The following PPL variants were observed in gnomAD, a reference collection of about 807,000 sequenced individuals.
PPL encodes the protein periplakin, also known as 190 kDa paraneoplastic pemphigus antigen.
In PPL, 198 loss-of-function variants were observed where a neutral mutation model predicts 194.4. The observed-to-expected ratio is 1.02, with a 90% CI of 0.91 to 1.15. The LOEUF (loss-of-function observed/expected upper bound fraction) is 1.15, where lower values mean the gene tolerates loss of function less well. PPL is among the 50% of genes most tolerant of loss of function. The pLI is 0.00. For missense variants in PPL, 2,885 were observed against 2,294.8 expected, an observed-to-expected ratio of 1.26 and a Z score of -5.25; for synonymous variants, 1,220 against 972.4, an observed-to-expected ratio of 1.25 and a Z score of -4.74.
At chr16:4,905,215 G>A (rs1206808541) in intron 2 of PPL, among the ~76,000 whole-genome samples, 1 of 152,188 alleles carries the variant, frequency 6.6e-6, no homozygotes, top group Non-Finnish European at 1.5e-5. Context: ...ATGGGCATAA[G>A]GAAAATACCC....
At position 4,902,584 on chromosome 16, in the gene PPL, AG is replaced by A. The variant is rs2142368090; in HGVS notation, c.318-59del. 4 of 1,582,440 alleles carry A rather than the reference AG, an allele frequency of 2.5e-6. No homozygotes were observed. The highest frequency in any genetic ancestry group is 4.6e-5 in the East Asian group (2 of 43,894). Reference sequence around the variant, plus strand: ...TGGTTGGCACTGCCTGCACCCCAGGAGGGGCCCCCCACCCAGACCCCGGCCT... The same window carrying A: ...TGGTTGGCACTGCCTGCACCCCAGGAGGGCCCCCCACCCAGACCCCGGCCT... On this transcript the variant is annotated intron_variant, in intron 3 of 21. Coordinates refer to ENST00000345988, the MANE Select transcript of PPL (RefSeq NM_002705.5). The surrounding 1 kb of genome is among the most constrained non-coding windows in gnomAD (Gnocchi z 4.0).
At chr16:4,893,469 C>A in intron 13 of PPL, 72 bp downstream of exon 13, 1 of 1,593,914 alleles carries the variant, frequency 6.3e-7, no homozygotes, top group Non-Finnish European at 8.6e-7. Context: ...GTCTCATCCA[C>A]AGCACAGACC....
intron 1 of PPL, among the ~76,000 whole-genome samples, chr16:4,934,702 G>C (rs571490477): frequency 5.2e-4 from 79 of 152,222 alleles, no homozygotes; most frequent in African/African-American, 1.9e-3. Flanking sequence ...TCCACTCCCT[G>C]TGACCAGCGA....
In PPL at chr16:4,892,244, C is replaced by G. The variant is rs773711846; in HGVS notation, c.1651-31G>C. The G allele has an allele frequency of 6.9e-6, 11 of 1,592,020 alleles. No homozygotes were observed. The South Asian group carries it at 1.1e-4, about 16-fold the overall frequency. ...GGAACCAGGGCCCCTCAGTTTTGGA[C>G]ACAGCCAGGCAGCCCCTTCCCCTGA... On this transcript the variant is annotated intron_variant, in intron 14 of 21. Coordinates refer to ENST00000345988, the MANE Select transcript of PPL (RefSeq NM_002705.5).
chr16:4,883,740 G>T lies in PPL; in HGVS notation c.4915C>A (p.Arg1639Ser). The T allele has an allele frequency of 6.2e-7, 1 of 1,614,014 alleles. No individual in the cohort carries two copies. Among genetic ancestry groups the T allele is most frequent in the Non-Finnish European group, 8.5e-7 (1 of 1,180,010 alleles). Residue 1639 changes from arginine (R) to serine (S), a missense_variant, in exon 22 of 22, where the codon CGC becomes AGC. Coordinates refer to ENST00000345988, the MANE Select transcript of PPL (RefSeq NM_002705.5). This position sits in a 1 kb window ranked among gnomAD's most constrained non-coding sequence, Gnocchi z 4.8. ...CGCTTGACGGCCACGGAGCCCAGGCGCTTCTGCAGCTCGTCGATCTCGAGG... is the reference window on the plus strand; with the variant it reads ...CGCTTGACGGCCACGGAGCCCAGGCTCTTCTGCAGCTCGTCGATCTCGAGG... ...KDLEIDELQK[R>S]LGSVAVKREQ...
chr16:4,912,493 G>C lies in PPL; in HGVS notation c.63-1544C>G, dbSNP rs141047968. Among the ~76,000 whole-genome samples the C allele has an allele frequency of 3.5e-4, 53 of 152,368 alleles. No individual in the cohort carries two copies. In the Middle Eastern group the frequency reaches 0.01, roughly 29 times the overall value. On this transcript the variant is annotated intron_variant, in intron 1 of 21. Transcript: ENST00000345988. ...CGTTTCCACCTTTGGGCCATCGTGA[G>C]AATCACGCTGCTATGAACGTTCGGG...
intron 20 of PPL, 148 bp downstream of exon 20, chr16:4,887,954 C>A (rs2088244630): frequency 1.5e-6 from 1 of 646,498 alleles, no homozygotes; most frequent in South Asian, 1.8e-5. Flanking sequence ...TCATCTCTTA[C>A]CAAACCTGTT....
Position 4,899,002 on chromosome 16 carries a change from G to T in PPL, c.876+11C>A, listed in dbSNP as rs1193605596. On this transcript the variant is annotated intron_variant, in intron 8 of 21. Coordinates refer to ENST00000345988, the MANE Select transcript of PPL (RefSeq NM_002705.5). ...CCCTGGGGGAGGTGTCTGGTCTCGG[G>T]GTGCATGAACCTCAATGGAGTTCCT... The T allele has an allele frequency of 5.0e-6, 8 of 1,610,978 alleles. No individual in the cohort carries two copies. The Admixed American group carries it at 1.2e-4, about 24-fold the overall frequency.
In PPL at chr16:4,886,056, G is replaced by C. The variant is rs749286202; in HGVS notation, c.2608-9C>G. On this transcript the variant is annotated splice_polypyrimidine_tract_variant and intron_variant, in intron 21 of 21. Coordinates refer to ENST00000345988, the MANE Select transcript of PPL (RefSeq NM_002705.5). Reference sequence around the variant, plus strand: ...ACTTCTACTTCCGGCTGCTGTGATGGAGAAGACAAGACAAGGTTAAAGCCA... The same window carrying C: ...ACTTCTACTTCCGGCTGCTGTGATGCAGAAGACAAGACAAGGTTAAAGCCA... 19 of 1,613,740 alleles carry C rather than the reference G, an allele frequency of 1.2e-5. No homozygotes were observed. The South Asian group carries it at 1.9e-4, about 16-fold the overall frequency.
At chr16:4,917,784 C>T (rs896115784) in intron 1 of PPL, among the ~76,000 whole-genome samples, 2 of 151,944 alleles carry the variant, frequency 1.3e-5, no homozygotes, top group African/African-American at 4.8e-5. Flanking sequence ...CACCTGTAGT[C>T]CTGGATACTC....
At chr16:4,894,646 A>AT in intron 11 of PPL, 28 bp from the exon 12 acceptor site, 1 of 1,606,890 alleles carries the variant, frequency 6.2e-7, no homozygotes, top group Non-Finnish European at 8.5e-7. Context: ...GACAGTCAGG[A>AT]TCCCGGCAGG....
chr16:4,887,635 C>A (rs975903379), intron 20 of PPL, among the ~76,000 whole-genome samples: 2 of 152,194 alleles, frequency 1.3e-5, no homozygotes, highest in Non-Finnish European at 2.9e-5. Context: ...AAGACAGAAT[C>A]TCTTTCACTC....
chr16:4,884,512 C>T lies in PPL; in HGVS notation c.4143G>A (p.Gln1381=). 1 of 1,609,802 alleles carries T rather than the reference C, an allele frequency of 6.2e-7. No homozygotes were observed. ...FAESIDVELR[Q]IDKLRAELRR... ...GCAGCTCTGCCCGCAGCTTGTCAAT[C>T]TGCCGCAGCTCCACATCGATGCTCT... The change falls in exon 22 of 22, where the codon CAG becomes CAA. Residue 1381 remains glutamine (Q), a synonymous_variant. Coordinates refer to ENST00000345988, the MANE Select transcript of PPL (RefSeq NM_002705.5). The surrounding 1 kb of genome is among the most constrained non-coding windows in gnomAD (Gnocchi z 5.7).
rs2088562161 is a variant in PPL, at chr16:4,901,199, G to A, written c.439-110C>T. ...GCATGATGGTGCTCTCTTTTTCACG[G>A]GGCCCTGCAGAGCCACAAGGAGATG... On this transcript the variant is annotated intron_variant, in intron 4 of 21. Coordinates refer to ENST00000345988, the MANE Select transcript of PPL (RefSeq NM_002705.5). 6 of 1,242,968 alleles carry A rather than the reference G, an allele frequency of 4.8e-6. No homozygotes were observed. In the East Asian group the frequency reaches 1.5e-4, roughly 31 times the overall value. 77.0% of individuals were successfully genotyped at this position (1,242,968 alleles called of 1,614,324 possible).
At chr16:4,931,495 G>A (rs907609613) in intron 1 of PPL, among the ~76,000 whole-genome samples, 1 of 152,208 alleles carries the variant, frequency 6.6e-6, no homozygotes, top group African/African-American at 2.4e-5. Context: ...TCCAGAGGCT[G>A]CAGCACAGCA....
At chr16:4,890,513 G>T (rs904442960) in intron 17 of PPL, among the ~76,000 whole-genome samples, 179 bp from the exon 18 acceptor site, 1 of 152,120 alleles carries the variant, frequency 6.6e-6, no homozygotes, top group East Asian at 1.9e-4. Context: ...AACCAGGTGG[G>T]TCCATATACA....
At chr16:4,929,265 A>G in intron 1 of PPL, among the ~76,000 whole-genome samples, 1 of 151,832 alleles carries the variant, frequency 6.6e-6, no homozygotes, top group South Asian at 2.1e-4. Flanking sequence ...TTGTCTCCCC[A>G]TCCAGAACCT....
chr16:4,886,645 G>A (rs1052839896), intron 21 of PPL, among the ~76,000 whole-genome samples: 2 of 152,160 alleles, frequency 1.3e-5, no homozygotes, highest in African/African-American at 2.4e-5. Flanking sequence ...CTGAGACAGA[G>A]TCTCGCTCTG....
chr16:4,930,969 A>G (rs933080672), intron 1 of PPL, among the ~76,000 whole-genome samples: 5 of 152,080 alleles, frequency 3.3e-5, no homozygotes, highest in African/African-American at 9.7e-5. Flanking sequence ...TGCCATGGGG[A>G]GAAGGGACTG....
Sources: allele counts gnomAD v4.1 joint callset (sites outside exome capture counted in the v4.1 genomes callset), GRCh38; gene constraint gnomAD v4.1.1; non-coding constraint Gnocchi (gnomAD v3.1); transcripts MANE v1.5; gene names NCBI Gene and HGNC (gene_info 2026-07-23, HGNC 2026-07-21).